XRN1: variants seen among roughly 807,000 people sequenced by gnomAD.
XRN1 encodes the protein 5'-3' exoribonuclease 1.
A neutral mutation model predicts 222.3 loss-of-function variants in XRN1; 67 were observed. The observed-to-expected ratio is 0.30, with a 90% CI of 0.25 to 0.37. The LOEUF is 0.37. Among genes scored for constraint, XRN1 ranks in the 10% least tolerant of loss-of-function variants. The pLI, the probability that XRN1 is intolerant of heterozygous loss-of-function variation, is 1.00. For synonymous variants in XRN1, 643 were observed against 652.4 expected (o/e 0.99, Z 0.22); for missense variants, 1,707 against 2,000.2 (o/e 0.85, Z 2.80).
At chr3:142,334,017 A>T (rs2065777437) in intron 34 of XRN1, among the ~76,000 whole-genome samples, 1 of 152,218 alleles carries the variant, frequency 6.6e-6, no homozygotes, top group South Asian at 2.1e-4. Context: ...TAGCAGCCCA[A>T]ATCAACTATG....
intron 20 of XRN1, among the ~76,000 whole-genome samples, chr3:142,391,596 G>T (rs1175562455): frequency 5.9e-5 from 9 of 151,924 alleles, no homozygotes; most frequent in African/African-American, 2.2e-4. Context: ...TGGCATGGTG[G>T]TATGCACCTA....
intron 33 of XRN1, among the ~76,000 whole-genome samples, chr3:142,339,873 A>G (rs1045565808): frequency 2.0e-5 from 3 of 152,242 alleles, no homozygotes; most frequent in Admixed American, 6.5e-5. Flanking sequence ...AAGAAATTCT[A>G]GATAACACAG....
chr3:142,332,581 A>G lies in XRN1; in HGVS notation c.4063-47T>C, dbSNP rs757389314. 4 of 1,516,210 alleles carry G rather than the reference A, an allele frequency of 2.6e-6. No homozygotes were observed. In the Admixed American group the frequency reaches 5.8e-5, roughly 22 times the overall value. The allele number at this position is 1,516,210 out of a possible 1,614,324, so 93.9% of individuals were successfully genotyped here. On this transcript the variant is annotated intron_variant, in intron 35 of 40. Transcript: ENST00000392981. Reference sequence around the variant, plus strand: ...GGAGATGGTGAGGGTGAAGAGAACAAAGTCAACATTACATCTGTAGAACTT... The same window carrying G: ...GGAGATGGTGAGGGTGAAGAGAACAGAGTCAACATTACATCTGTAGAACTT...
intron 27 of XRN1, 96 bp downstream of exon 27, chr3:142,370,389 T>C (rs991404417): frequency 2.2e-5 from 31 of 1,384,276 alleles, no homozygotes; most frequent in Middle Eastern, 2.3e-4. Context: ...ACTAAGTATA[T>C]GTTTTATTTG....
At chr3:142,365,261 G>T in intron 28 of XRN1, 49 bp downstream of exon 28, 1 of 1,576,492 alleles carries the variant, frequency 6.3e-7, no homozygotes, top group Admixed American at 1.9e-5. Context: ...CTCCTTCCAT[G>T]CATTCAAAGT....
intron 36 of XRN1, among the ~76,000 whole-genome samples, chr3:142,332,102 AT>A (rs2065715335): frequency 6.6e-6 from 1 of 152,090 alleles, no homozygotes; most frequent in African/African-American, 2.4e-5. Context: ...TGAAACAAAT[AT>A]AAAAATTATA....
rs2068878029 is a variant in XRN1, at chr3:142,418,593, C to T, written c.1257G>A (p.Glu419=). The change falls in exon 12 of 41, where the codon GAG becomes GAA. Residue 419 remains glutamate (E), a synonymous_variant. Coordinates refer to ENST00000392981, the MANE Select transcript of XRN1 (RefSeq NM_001282857.2). Reference sequence around the variant, plus strand: ...TTTCAAATAGGTCATCATCTTCAGTCTCATCTTCTAAATTATCTGGGGAAA... The same window carrying T: ...TTTCAAATAGGTCATCATCTTCAGTTTCATCTTCTAAATTATCTGGGGAAA... ...MITSKDNLED[E]TEDDDLFETE... The T allele has an allele frequency of 6.3e-7, 1 of 1,593,962 alleles. No individual in the cohort carries two copies. The highest frequency in any genetic ancestry group is 1.8e-5 in the Admixed American group (1 of 54,180).
intron 15 of XRN1, among the ~76,000 whole-genome samples, chr3:142,408,504 T>C (rs1253736275): frequency 6.6e-6 from 1 of 152,220 alleles, no homozygotes; most frequent in Non-Finnish European, 1.5e-5. Flanking sequence ...GATTTTCTAT[T>C]TGCGGCATCA....
chr3:142,351,522 AG>A (rs1333654216), intron 32 of XRN1, among the ~76,000 whole-genome samples: 2 of 152,134 alleles, frequency 1.3e-5, no homozygotes, highest in Non-Finnish European at 2.9e-5. Flanking sequence ...TTAAGAGAGA[AG>A]GGGGGAGAGA....
intron 15 of XRN1, among the ~76,000 whole-genome samples, chr3:142,408,373 G>A (rs1559857913): frequency 6.6e-6 from 1 of 152,146 alleles, no homozygotes; most frequent in Non-Finnish European, 1.5e-5. Flanking sequence ...ATCTGGGTGT[G>A]TGCAGAAAAG....
chr3:142,312,501 T>C (rs1005328323), intron 40 of XRN1, 97 bp downstream of exon 40: 1 of 1,273,884 alleles, frequency 7.9e-7, no homozygotes, highest in Non-Finnish European at 1.0e-6. Context: ...ACTGAACTTC[T>C]AGTTGGCACT....
intron 39 of XRN1, among the ~76,000 whole-genome samples, chr3:142,315,953 T>C (rs949124103): frequency 1.3e-5 from 2 of 152,226 alleles, no homozygotes; most frequent in African/African-American, 4.8e-5. Flanking sequence ...TTAGGTCTAC[T>C]GACTTCCTAT....
At position 142,357,229 on chromosome 3, in the gene XRN1, T is replaced by G. The variant is rs2066488768; in HGVS notation, c.3465-110A>C. On this transcript the variant is annotated intron_variant, in intron 30 of 40. Transcript: ENST00000392981. ...ATCCATCATCAGCATTAGTAAATAT[T>G]ACTTTTTAATTCGGTAGAGGAACCT... The G allele has an allele frequency of 3.1e-6, 3 of 965,630 alleles. No homozygotes were observed. In the Admixed American group the frequency reaches 7.0e-5, roughly 23 times the overall value. 59.8% of individuals were successfully genotyped at this position (965,630 alleles called of 1,614,324 possible).
chr3:142,385,569 C>T (rs935879675), intron 20 of XRN1, among the ~76,000 whole-genome samples: 5 of 152,088 alleles, frequency 3.3e-5, no homozygotes, highest in African/African-American at 9.7e-5. Context: ...GCTGCTTTTG[C>T]GCTACATGGT....
At chr3:142,402,470 A>C (rs576058874) in intron 18 of XRN1, among the ~76,000 whole-genome samples, 269 of 152,334 alleles carry the variant, frequency 1.8e-3, no homozygotes, top group African/African-American at 6.2e-3. Flanking sequence ...GACGTAAGCC[A>C]CCATGCCCAG....
chr3:142,321,013 T>C (rs1057112258), intron 37 of XRN1, among the ~76,000 whole-genome samples: 1 of 151,962 alleles, frequency 6.6e-6, no homozygotes, highest in Non-Finnish European at 1.5e-5. Flanking sequence ...TTAATTTTCA[T>C]ATATTATGTT....
At chr3:142,321,276 T>C (rs1007988812) in intron 37 of XRN1, among the ~76,000 whole-genome samples, 1 of 151,934 alleles carries the variant, frequency 6.6e-6, no homozygotes, top group African/African-American at 2.4e-5. Context: ...CATGCCATCA[T>C]GTCCAGCTAA....
chr3:142,346,059 T>C (rs941857166), intron 33 of XRN1, among the ~76,000 whole-genome samples: 3 of 152,240 alleles, frequency 2.0e-5, no homozygotes, highest in Non-Finnish European at 4.4e-5. Flanking sequence ...TGAAAACATA[T>C]GTTCACACAA....
intron 1 of XRN1, among the ~76,000 whole-genome samples, chr3:142,434,612 T>C (rs1277852234): frequency 6.8e-6 from 1 of 146,986 alleles, no homozygotes; most frequent in Admixed American, 7.0e-5. Flanking sequence ...AAAAGAAGAA[T>C]AAGCTGGGTG....
Sources: allele counts gnomAD v4.1 joint callset (sites outside exome capture counted in the v4.1 genomes callset), GRCh38; gene constraint gnomAD v4.1.1; transcripts MANE v1.5; gene names NCBI Gene and HGNC (gene_info 2026-07-23, HGNC 2026-07-21).